TMCO6: variants seen among roughly 807,000 people sequenced by gnomAD.
The protein encoded by TMCO6 is transmembrane and coiled-coil domains 6.
In TMCO6, 47 loss-of-function variants were observed where a neutral mutation model predicts 61.8. That is an observed-to-expected ratio of 0.76 (90% CI 0.60 to 0.97). TMCO6 has a LOEUF of 0.97. Among genes scored for constraint, TMCO6 ranks in the 50% least tolerant of loss-of-function variants. The pLI is 0.00. For missense variants in TMCO6, 557 were observed against 601.6 expected (o/e 0.93, Z 0.78); for synonymous variants, 261 against 254.2 (o/e 1.03, Z -0.25).
chr5:140,647,371 C>T (rs766668017), downstream of TMCO6: 6 of 1,611,050 alleles, frequency 3.7e-6, no homozygotes, highest in Non-Finnish European at 2.5e-6. Context: ...CCCTGCGGGG[C>T]CGGAGAGAGC....
chr5:140,598,499 A>C, the TMCO6 span, among the ~76,000 whole-genome samples: 1 of 152,214 alleles, frequency 6.6e-6, no homozygotes, highest in Non-Finnish European at 1.5e-5. Context: ...GTTGGACATC[A>C]TGGGCTGTAA....
intron 11 of TMCO6, 72 bp from the exon 12 acceptor site, chr5:140,644,913 C>A: frequency 6.5e-7 from 1 of 1,548,018 alleles, no homozygotes; most frequent in East Asian, 2.3e-5. Context: ...AGTAGGCTGA[C>A]CCATGAGGCT....
chr5:140,628,342 G>A, the TMCO6 span, among the ~76,000 whole-genome samples: 6 of 152,088 alleles, frequency 3.9e-5, no homozygotes, highest in African/African-American at 1.4e-4. Context: ...TGAAATTGCG[G>A]CCCAGCAGGT....
At chr5:140,633,595 A>G in the TMCO6 span, 13 of 173,058 alleles carry the variant, frequency 7.5e-5, no homozygotes, top group African/African-American at 3.1e-4. Context: ...GTTTATGTTG[A>G]TCTCCTGCCA....
At position 140,644,087 on chromosome 5, in the gene TMCO6, A is replaced by AC; in HGVS notation, c.1106-12dup. ...GGGGAAAGCAGTTTTTCACCCTGGT[A>AC]CTTCTCTTCCAGCAAACAGTCCTAG... On this transcript the variant is annotated splice_polypyrimidine_tract_variant and intron_variant, in intron 9 of 11. Transcript: ENST00000394671. The AC allele has an allele frequency of 2.5e-6, 4 of 1,614,026 alleles. No individual in the cohort carries two copies. The highest frequency in any genetic ancestry group is 3.4e-6 in the Non-Finnish European group (4 of 1,179,890).
chr5:140,604,208 A>G, the TMCO6 span, among the ~76,000 whole-genome samples: 3 of 152,104 alleles, frequency 2.0e-5, no homozygotes, highest in Non-Finnish European at 4.4e-5. Context: ...AGCCTGGGCA[A>G]CATAGCTACA....
In TMCO6 at chr5:140,642,496, TCCAG is replaced by T. The variant is rs1757103531; in HGVS notation, c.603+80_603+83del. On this transcript the variant is annotated intron_variant, in intron 5 of 11. Transcript: ENST00000394671. ...GCTCCATCTACTTTGGTTAGGTAGCTCCAGCCTCTGCCCTGTGCCAAGGGGCTGA... is the reference window on the plus strand; with the variant it reads ...GCTCCATCTACTTTGGTTAGGTAGCTCCTCTGCCCTGTGCCAAGGGGCTGA... 8 of 1,602,288 alleles carry T rather than the reference TCCAG, an allele frequency of 5.0e-6. No homozygotes were observed. The Admixed American group carries it at 1.2e-4, about 23-fold the overall frequency.
the TMCO6 span, among the ~76,000 whole-genome samples, chr5:140,613,415 A>C: frequency 0.28 from 40,508 of 142,736 alleles, 6,363 homozygotes; most frequent in African/African-American, 0.31. Context: ...AAAAAAAAAA[A>C]ATGGTGGCAG....
chr5:140,604,780 C>CTTTTTTT, the TMCO6 span, among the ~76,000 whole-genome samples: 2 of 124,722 alleles, frequency 1.6e-5, no homozygotes, highest in Non-Finnish European at 3.5e-5. Flanking sequence ...TGTCATTTCT[C>CTTTTTTT]TTTTTTTTTT....
the TMCO6 span, among the ~76,000 whole-genome samples, chr5:140,596,581 C>G: frequency 6.6e-6 from 1 of 152,120 alleles, no homozygotes; most frequent in Non-Finnish European, 1.5e-5. Context: ...CTCTTTTTTG[C>G]TTGTAGTTCT....
chr5:140,630,139 A>G, the TMCO6 span, among the ~76,000 whole-genome samples: 2 of 151,496 alleles, frequency 1.3e-5, no homozygotes, highest in Non-Finnish European at 2.9e-5. Flanking sequence ...GATTACAGAC[A>G]CATGCCACCA....
chr5:140,634,813 C>T (rs1317135698), upstream of TMCO6, among the ~76,000 whole-genome samples: 7 of 149,692 alleles, frequency 4.7e-5, no homozygotes, highest in South Asian at 2.1e-4. Flanking sequence ...TTATTTGAGA[C>T]GGAGTTTTGT....
chr5:140,644,874 A>G, intron 11 of TMCO6, 111 bp from the exon 12 acceptor site: 8 of 1,505,788 alleles, frequency 5.3e-6, no homozygotes, highest in Non-Finnish European at 7.3e-6. Context: ...CAGAAACTTC[A>G]TCCTCTTGTT....
the TMCO6 span, among the ~76,000 whole-genome samples, chr5:140,624,313 G>A: frequency 4.0e-4 from 61 of 151,374 alleles, no homozygotes; most frequent in Non-Finnish European, 6.3e-4. Flanking sequence ...TGCAGGAGCC[G>A]AGATCACACC....
chr5:140,639,453 A>T lies in TMCO6; in HGVS notation c.-75A>T, dbSNP rs1305397700. ...TTCCCGCCCTGTGCTGAGGCTGCGCAGTCGGTGCCATCTTCTACGCCCCTG... is the reference window on the plus strand; with the variant it reads ...TTCCCGCCCTGTGCTGAGGCTGCGCTGTCGGTGCCATCTTCTACGCCCCTG... On this transcript the variant is annotated 5_prime_UTR_variant, in exon 1 of 12. Transcript: ENST00000394671. The T allele has an allele frequency of 7.0e-7, 1 of 1,425,150 alleles. No individual in the cohort carries two copies. Among genetic ancestry groups the T allele is most frequent in the Non-Finnish European group, 9.7e-7 (1 of 1,035,610 alleles). The allele number at this position is 1,425,150 out of a possible 1,614,324, so 88.3% of individuals were successfully genotyped here. A position where few individuals can be genotyped will look rare whatever the true frequency, so the allele number is the denominator to read the frequency against.
rs759714145 is a variant in TMCO6 at position 140,644,624 on chromosome 5, C to T, written c.1252C>T (p.Arg418Trp). Reference sequence around the variant, plus strand: ...AGAAAAGGGTCCTGCTTACTGCCAGCGGCTGTGGCCAGGGCCCCTGCTTCC... The same window carrying T: ...AGAAAAGGGTCCTGCTTACTGCCAGTGGCTGTGGCCAGGGCCCCTGCTTCC... ...VAEKGPAYCQRLWPGPLLPAL... is the reference protein window; with the variant it reads ...VAEKGPAYCQWLWPGPLLPAL... The change falls in exon 11 of 12, where the codon CGG becomes TGG. Residue 418 changes from arginine to tryptophan, a missense_variant. Coordinates refer to ENST00000394671, the MANE Select transcript of TMCO6 (RefSeq NM_018502.5). 9.9e-6 allele frequency: 16 copies of T among 1,614,136 alleles called. No individual in the cohort carries two copies. The highest frequency in any genetic ancestry group is 5.0e-5 in the Admixed American group (3 of 60,002).
At chr5:140,625,982 C>A in the TMCO6 span, among the ~76,000 whole-genome samples, 2 of 152,192 alleles carry the variant, frequency 1.3e-5, no homozygotes, top group Non-Finnish European at 2.9e-5. Flanking sequence ...ACCCTGCTTT[C>A]TCCATCCTGA....
At chr5:140,610,279 C>T in the TMCO6 span, among the ~76,000 whole-genome samples, 2 of 151,532 alleles carry the variant, frequency 1.3e-5, no homozygotes, top group Non-Finnish European at 2.9e-5. Flanking sequence ...ATTGCTTGAA[C>T]CCAGGAGATG....
At chr5:140,632,885 G>A in the TMCO6 span, 1 of 1,614,200 alleles carries the variant, frequency 6.2e-7, no homozygotes, top group Non-Finnish European at 8.5e-7. This position sits in a 1 kb window ranked among gnomAD's most constrained non-coding sequence, Gnocchi z 6.2. Context: ...TGCAGACGCA[G>A]CGGAAATCTT....
Sources: gnomAD v4.1 joint callset for allele counts (sites outside exome capture counted in the v4.1 genomes callset) on GRCh38, gnomAD v4.1.1 for gene constraint, Gnocchi (gnomAD v3.1) non-coding constraint, MANE v1.5 for transcripts, NCBI Gene and HGNC (gene_info 2026-07-23, HGNC 2026-07-21) for gene names.